Variants in TBL1X observed in about 807,000 individuals in gnomAD.
The protein encoded by TBL1X is F-box-like/WD repeat-containing protein TBL1X.
In TBL1X, 10 loss-of-function variants were observed where a neutral mutation model predicts 50.7. The ratio of observed to expected loss-of-function variants is 0.20; its 90% CI spans 0.12 to 0.33. The LOEUF (loss-of-function observed/expected upper bound fraction) is 0.33. Among genes scored for constraint, TBL1X ranks in the 10% least tolerant of loss-of-function variants. TBL1X has a pLI of 1.00. For missense variants in TBL1X, 340 were observed against 504.4 expected (o/e 0.67, Z 3.12); for synonymous variants, 190 against 214.7 (o/e 0.88, Z 1.01).
intron 5 of TBL1X, among the ~76,000 whole-genome samples, chrX:9,656,811 C>T (rs1601820418): frequency 3.6e-5 from 4 of 112,445 alleles, no homozygotes. Context: ...TTGAAATGTT[C>T]ATTCTGGGGT....
chrX:9,568,130 T>C (rs2082361290), intron 2 of TBL1X, among the ~76,000 whole-genome samples: 1 of 112,128 alleles, frequency 8.9e-6, no homozygotes, highest in South Asian at 3.7e-4. Context: ...CTGGAAGTGG[T>C]TGGACGGTTT....
chrX:9,475,583 A>G (rs1344730523), intron 1 of TBL1X, among the ~76,000 whole-genome samples: 2 of 108,493 alleles, frequency 1.8e-5, no homozygotes, highest in Admixed American at 2.0e-4. Flanking sequence ...TTGCTGCTAC[A>G]CTACTGGTGT....
At chrX:9,590,022 C>T (rs1207470990) in intron 2 of TBL1X, among the ~76,000 whole-genome samples, 1 of 111,715 alleles carries the variant, frequency 9.0e-6, no homozygotes, top group Non-Finnish European at 1.9e-5. Flanking sequence ...ATTAGACAAA[C>T]CCAAACTGAG....
intron 4 of TBL1X, 74 bp downstream of exon 4, chrX:9,653,763 C>A: frequency 1.1e-6 from 1 of 932,309 alleles, no homozygotes; most frequent in South Asian, 2.3e-5. Context: ...CGGGTGTACT[C>A]GGTCACCTCT....
At chrX:9,573,467 A>G (rs1212703970) in intron 2 of TBL1X, among the ~76,000 whole-genome samples, 2 of 112,728 alleles carry the variant, frequency 1.8e-5, no homozygotes, top group Admixed American at 1.9e-4. Context: ...CTTTGTCAGC[A>G]AATGTAGGTA....
chrX:9,683,926 C>A, intron 5 of TBL1X, 117 bp from the exon 6 acceptor site: 1 of 1,082,005 alleles, frequency 9.2e-7, no homozygotes, highest in Non-Finnish European at 1.3e-6. Flanking sequence ...GCAGCCGTGT[C>A]TGTCCCTGCA....
intron 2 of TBL1X, among the ~76,000 whole-genome samples, chrX:9,595,575 G>T (rs1047329420): frequency 4.5e-5 from 5 of 111,948 alleles, no homozygotes; most frequent in Non-Finnish European, 9.4e-5. Flanking sequence ...GGCCCTTCTT[G>T]TCGGTGTCTC....
intron 6 of TBL1X, among the ~76,000 whole-genome samples, chrX:9,684,606 A>AAAAAAAAAAAAAAAAAAAAAG (rs2083045846): frequency 9.6e-6 from 1 of 104,482 alleles, no homozygotes; most frequent in Non-Finnish European, 2.0e-5. Flanking sequence ...ATTAAAAAAA[A>AAAAAAAAAAAAAAAAAAAAAG]AAAAAAAAAA....
At chrX:9,673,896 A>G (rs1160479078) in intron 5 of TBL1X, among the ~76,000 whole-genome samples, 6 of 111,470 alleles carry the variant, frequency 5.4e-5, no homozygotes, top group African/African-American at 2.0e-4. Context: ...GTGAAACCCC[A>G]TCTCTACTAA....
chrX:9,553,605 A>G (rs949978843), intron 2 of TBL1X, among the ~76,000 whole-genome samples: 2 of 111,421 alleles, frequency 1.8e-5, no homozygotes, highest in Non-Finnish European at 3.8e-5. Flanking sequence ...GACTTTTGCT[A>G]ACTGTTTCTA....
chrX:9,646,041 A>G (rs1368066250), intron 3 of TBL1X, among the ~76,000 whole-genome samples: 1 of 112,733 alleles, frequency 8.9e-6, no homozygotes, highest in Non-Finnish European at 1.9e-5. Context: ...TTATTTGTTA[A>G]ACCTATAAAA....
intron 17 of TBL1X, among the ~76,000 whole-genome samples, chrX:9,715,995 T>G (rs752486805): frequency 8.9e-6 from 1 of 112,217 alleles, no homozygotes; most frequent in African/African-American, 3.2e-5. Flanking sequence ...TAACCTGGCC[T>G]TTCTGCTCTG....
chrX:9,525,876 A>G (rs980751937), intron 2 of TBL1X, among the ~76,000 whole-genome samples: 4 of 110,962 alleles, frequency 3.6e-5, no homozygotes, highest in African/African-American at 1.3e-4. Context: ...CCCTAATACT[A>G]CTATTAGGAG....
In TBL1X at chrX:9,689,012, A is replaced by ATGTGTGCGTGTGTGCGTGTG. The variant is rs1555909213; in HGVS notation, c.616+740_616+759dup. 3.5e-5 allele frequency among the ~76,000 whole-genome samples: 4 copies of ATGTGTGCGTGTGTGCGTGTG among 112,826 alleles called. No homozygotes were observed. The East Asian group carries it at 8.4e-4, about 24-fold the overall frequency. ...AGTGTGTATGCATGCGTGTGCGTGT[A>ATGTGTGCGTGTGTGCGTGTG]TGTGTGCGTGTGTGCGTGTGTGCGT... On this transcript the variant is annotated intron_variant, in intron 7 of 17. Transcript: ENST00000645353.
intron 5 of TBL1X, among the ~76,000 whole-genome samples, chrX:9,678,931 G>A (rs980977972): frequency 9.0e-6 from 1 of 111,251 alleles, no homozygotes; most frequent in Admixed American, 9.6e-5. Context: ...ACTATTACAC[G>A]TTTTATTCCA....
chrX:9,575,524 CT>C, intron 2 of TBL1X, among the ~76,000 whole-genome samples: 1 of 112,072 alleles, frequency 8.9e-6, no homozygotes, highest in Middle Eastern at 4.6e-3. Flanking sequence ...ATGTTGTCCC[CT>C]GTGTCGGTGC....
In TBL1X at chrX:9,700,481, G is replaced by A. The variant is rs191258954; in HGVS notation, c.1114+3052G>A. ...AACCACATTGTTCTGAATTGCGTGA[G>A]CTTCTCACCTGTGATCTGGCTGGCC... On this transcript the variant is annotated intron_variant, in intron 12 of 17. Transcript: ENST00000645353. Among the ~76,000 whole-genome samples, 105 of 112,140 alleles carry A rather than the reference G, an allele frequency of 9.4e-4. 1 individual carries two copies. Among genetic ancestry groups the A allele is most frequent in the Non-Finnish European group, 3.0e-4 (16 of 53,245 alleles).
In TBL1X at chrX:9,472,439, C is replaced by CTT. The variant is rs63196061; in HGVS notation, c.-201+7008_-201+7009dup. Reference sequence around the variant, plus strand: ...CATGTCCAGCTTTTTTTTTTTCTTTCTTTTTTTTTTTTTTTTTAATTTTCA... The same window carrying CTT: ...CATGTCCAGCTTTTTTTTTTTCTTTCTTTTTTTTTTTTTTTTTTTAATTTTCA... On this transcript the variant is annotated intron_variant, in intron 1 of 17. Coordinates refer to ENST00000645353, the MANE Select transcript of TBL1X (RefSeq NM_005647.4). Among the ~76,000 whole-genome samples the CTT allele has an allele frequency of 7.8e-3, 697 of 89,627 alleles. 17 individuals carry two copies. The highest frequency in any genetic ancestry group is 0.028 in the African/African-American group (670 of 23,777). 77.8% of individuals were successfully genotyped at this position (89,627 alleles called of 115,157 possible).
At chrX:9,623,923 G>C (rs966422244) in intron 2 of TBL1X, among the ~76,000 whole-genome samples, 4 of 111,766 alleles carry the variant, frequency 3.6e-5, no homozygotes, top group African/African-American at 1.3e-4. Context: ...ATTTCCTTCA[G>C]TAGGAGATGC....
Sources: gnomAD v4.1 joint callset for allele counts (sites outside exome capture counted in the v4.1 genomes callset) on GRCh38, gnomAD v4.1.1 for gene constraint, MANE v1.5 for transcripts, NCBI Gene and HGNC (gene_info 2026-07-23, HGNC 2026-07-21) for gene names.